Variants in NFE2L3 observed in about 807,000 individuals in gnomAD.
NFE2L3 encodes the protein NFE2 like bZIP transcription factor 3.
In NFE2L3, 18 loss-of-function variants were observed where a neutral mutation model predicts 23.5. The ratio of observed to expected loss-of-function variants is 0.77; its 90% CI spans 0.53 to 1.13. The LOEUF (loss-of-function observed/expected upper bound fraction) is 1.13. Among genes scored for constraint, NFE2L3 ranks in the 50% most tolerant of loss-of-function variants. The pLI is 0.00. For missense variants in NFE2L3, 1,152 were observed against 877.2 expected, an observed-to-expected ratio of 1.31 and a Z score of -3.96; for synonymous variants, 424 against 354.5, an observed-to-expected ratio of 1.20 and a Z score of -2.20.
intron 1 of NFE2L3, among the ~76,000 whole-genome samples, chr7:26,158,802 C>T (rs954580889): frequency 2.6e-5 from 4 of 152,170 alleles, no homozygotes; most frequent in African/African-American, 9.7e-5. Context: ...TGGAGTCAGA[C>T]CAGCTGGGGA....
rs773261762 is a variant in NFE2L3, at chr7:26,184,206, T to C, written c.835-327T>C. On this transcript the variant is annotated intron_variant, in intron 3 of 3. Coordinates refer to ENST00000056233, the MANE Select transcript of NFE2L3 (RefSeq NM_004289.7). ...GTTTATTATCCCTGACCCTCCACAA[T>C]GTGATTACCAACCGCTAGGATGAGT... The C allele has an allele frequency of 5.8e-6, 2 of 346,122 alleles. 1 individual carries two copies. The highest frequency in any genetic ancestry group is 7.9e-5 in the South Asian group (2 of 25,426). 21.4% of individuals were successfully genotyped at this position (346,122 alleles called of 1,614,324 possible).
At chr7:26,178,248 GAAA>G in intron 2 of NFE2L3, 126 bp downstream of exon 2, 1 of 719,952 alleles carries the variant, frequency 1.4e-6, no homozygotes, top group Non-Finnish European at 2.3e-6. Flanking sequence ...TATGATATAT[GAAA>G]ATACCTATGT....
Position 26,152,764 on chromosome 7 carries a change from G to C in NFE2L3, c.266G>C (p.Gly89Ala). Residue 89 changes from glycine to alanine, a missense_variant, in exon 1 of 4, where the codon GGC becomes GCC. Transcript: ENST00000056233. This position sits in a 1 kb window ranked among gnomAD's most constrained non-coding sequence, Gnocchi z 4.4. ...RELDPAAPPE[G>A]QLLREVRALG... ...CTGGACCCTGCCGCGCCGCCCGAGG[G>C]CCAGCTGCTCCGGGAGGTGCGCGCG... 17 of 1,478,318 alleles carry C rather than the reference G, an allele frequency of 1.1e-5. No individual in the cohort carries two copies. Among genetic ancestry groups the C allele is most frequent in the South Asian group, 1.3e-5 (1 of 77,780 alleles). 91.6% of individuals were successfully genotyped at this position (1,478,318 alleles called of 1,614,324 possible). A position where few individuals can be genotyped will look rare whatever the true frequency, so the allele number is the denominator to read the frequency against.
At chr7:26,167,866 T>C (rs1784274448) in intron 1 of NFE2L3, among the ~76,000 whole-genome samples, 1 of 152,242 alleles carries the variant, frequency 6.6e-6, no homozygotes, top group South Asian at 2.1e-4. Flanking sequence ...GAGTAATTCA[T>C]GTTTATATAG....
In NFE2L3 at chr7:26,185,318, G is replaced by C. The variant is rs1782453949; in HGVS notation, c.1620G>C (p.Gln540His). 6.2e-7 allele frequency: 1 copy of C among 1,613,992 alleles called. No homozygotes were observed. Residue 540 changes from glutamine to histidine, a missense_variant, in exon 4 of 4, where the codon CAG becomes CAC. Coordinates refer to ENST00000056233, the MANE Select transcript of NFE2L3 (RefSeq NM_004289.7). ...ATAGAAACTTGAGCCGTGATGAACA[G>C]CGTGCTAAAGCTTTGCATATCCCTT... The part of the protein sequence containing the change: ...DTDRNLSRDE[Q>H]RAKALHIPFS...
intron 2 of NFE2L3, among the ~76,000 whole-genome samples, chr7:26,180,797 A>G (rs1185787607): frequency 6.6e-6 from 1 of 152,118 alleles, no homozygotes; most frequent in Non-Finnish European, 1.5e-5. Flanking sequence ...AGAATTTAAA[A>G]TGTAATTTGA....
At chr7:26,167,662 A>G (rs1784270534) in intron 1 of NFE2L3, among the ~76,000 whole-genome samples, 1 of 152,206 alleles carries the variant, frequency 6.6e-6, no homozygotes, top group South Asian at 2.1e-4. Flanking sequence ...AAGACTACGC[A>G]ACAGAACTAG....
At chr7:26,182,291 TTTTACCAG>T (rs1198888707) in intron 2 of NFE2L3, among the ~76,000 whole-genome samples, 1 of 144,920 alleles carries the variant, frequency 6.9e-6, no homozygotes, top group Admixed American at 6.7e-5. Context: ...AACCTTATAT[TTTTACCAG>T]TTAACTCATC....
chr7:26,183,692 T>A lies in NFE2L3; in HGVS notation c.751-9T>A, dbSNP rs139404033. ...ATGTGAAAGATGCACTTTTTGTGTT[T>A]CTCTACAGAGACATCTGAATGGGAC... is the stretch of plus-strand genomic sequence containing the variant. On this transcript the variant is annotated splice_polypyrimidine_tract_variant and intron_variant, in intron 2 of 3. Transcript: ENST00000056233. The A allele has an allele frequency of 3.6e-4, 567 of 1,589,304 alleles. 2 individuals carry two copies. The African/African-American group carries it at 6.9e-3, about 19-fold the overall frequency.
At position 26,185,248 on chromosome 7, in the gene NFE2L3, C is replaced by A. The variant is rs754738022; in HGVS notation, c.1550C>A (p.Pro517His). 6.2e-6 allele frequency: 10 copies of A among 1,614,014 alleles called. No homozygotes were observed. The highest frequency in any genetic ancestry group is 7.6e-6 in the Non-Finnish European group (9 of 1,179,958). Reference sequence around the variant, plus strand: ...TCTACTTCTGAACCTTTTCCGTGGCCTGGGAAGTCACAGAAGATAAGGAGT... The same window carrying A: ...TCTACTTCTGAACCTTTTCCGTGGCATGGGAAGTCACAGAAGATAAGGAGT... ...PESTSEPFPWPGKSQKIRSRY... is the reference protein window; with the variant it reads ...PESTSEPFPWHGKSQKIRSRY... The change falls in exon 4 of 4, where the codon CCT (proline) becomes CAT (histidine). Residue 517 changes from proline to histidine, a missense_variant. Coordinates refer to ENST00000056233, the MANE Select transcript of NFE2L3 (RefSeq NM_004289.7).
intron 3 of NFE2L3, 72 bp downstream of exon 3, chr7:26,183,856 C>T (rs748123019): frequency 8.2e-6 from 8 of 973,506 alleles, no homozygotes; most frequent in African/African-American, 4.8e-5. Context: ...AAATACAACT[C>T]CTTTACTTGG....
rs1784006718 is a variant in NFE2L3 at position 26,152,233 on chromosome 7, G to C, written c.-266G>C. ...CACCGCGCCGGGCTGCGGGCGGCTG[G>C]GCGAACGGGCTCGGCGCTCAGGTGG... On this transcript the variant is annotated 5_prime_UTR_variant, in exon 1 of 4. Transcript: ENST00000056233. This position sits in a 1 kb window ranked among gnomAD's most constrained non-coding sequence, Gnocchi z 4.4. 1 of 197,172 alleles carries C rather than the reference G, an allele frequency of 5.1e-6. No homozygotes were observed. Among genetic ancestry groups the C allele is most frequent in the Non-Finnish European group, 1.0e-5 (1 of 98,676 alleles). The allele number at this position is 197,172 out of a possible 1,614,324, so 12.2% of individuals were successfully genotyped here.
At chr7:26,176,173 GGGAGTAA>G (rs1233939324) in intron 1 of NFE2L3, among the ~76,000 whole-genome samples, 3 of 152,080 alleles carry the variant, frequency 2.0e-5, no homozygotes, top group African/African-American at 7.2e-5. Context: ...GCAGGGGGTT[GGGAGTAA>G]GGTTATAGAT....
At chr7:26,183,980 T>TA in intron 3 of NFE2L3, 196 bp downstream of exon 3, 1 of 530,980 alleles carries the variant, frequency 1.9e-6, no homozygotes, top group Non-Finnish European at 3.3e-6. Context: ...TAATCAAATT[T>TA]AGACTAGTCA....
chr7:26,157,390 G>A (rs1562668535), intron 1 of NFE2L3, among the ~76,000 whole-genome samples: 2 of 151,818 alleles, frequency 1.3e-5, no homozygotes, highest in African/African-American at 4.8e-5. Flanking sequence ...TGTTGCCCAG[G>A]CTGGTCTCAA....
intron 1 of NFE2L3, among the ~76,000 whole-genome samples, chr7:26,163,475 T>C (rs1784202360): frequency 6.6e-6 from 1 of 152,138 alleles, no homozygotes; most frequent in South Asian, 2.1e-4. Flanking sequence ...GCCTCCCAAG[T>C]AGCTAAGATT....
chr7:26,180,157 A>C lies in NFE2L3; in HGVS notation c.750+2035A>C, dbSNP rs11977822. Reference sequence around the variant, plus strand: ...TCGTTTATATTTCCCAGGCAAAAACAGGACACTAAGCTTCTGTGTCCCCAA... The same window carrying C: ...TCGTTTATATTTCCCAGGCAAAAACCGGACACTAAGCTTCTGTGTCCCCAA... On this transcript the variant is annotated intron_variant, in intron 2 of 3. Transcript: ENST00000056233. Among the ~76,000 whole-genome samples, 604 of 152,272 alleles carry C rather than the reference A, an allele frequency of 4.0e-3. 4 individuals carry two copies. The highest frequency in any genetic ancestry group is 0.014 in the African/African-American group (571 of 41,542).
chr7:26,175,271 A>T (rs1287820243), intron 1 of NFE2L3, among the ~76,000 whole-genome samples: 2 of 151,550 alleles, frequency 1.3e-5, no homozygotes, highest in East Asian at 3.9e-4. Context: ...GAGGCAGGAG[A>T]ATGGTGTGAA....
chr7:26,161,839 G>T (rs1430109783), intron 1 of NFE2L3, among the ~76,000 whole-genome samples: 7 of 152,056 alleles, frequency 4.6e-5, no homozygotes, highest in Non-Finnish European at 7.4e-5. Context: ...GCACATAAGT[G>T]CAGTTTAAAA....
Sources: allele counts gnomAD v4.1 joint callset (sites outside exome capture counted in the v4.1 genomes callset), GRCh38; gene constraint gnomAD v4.1.1; non-coding constraint Gnocchi (gnomAD v3.1); transcripts MANE v1.5; gene names NCBI Gene and HGNC (gene_info 2026-07-23, HGNC 2026-07-21).